The following NPC1 variants were observed in gnomAD, a reference collection of about 807,000 sequenced individuals.
NPC1 encodes Niemann-Pick C1 protein.
Under a neutral mutation model 140.4 loss-of-function variants are expected in NPC1, and 85 were observed. That is an observed-to-expected ratio of 0.61 (90% CI 0.51 to 0.72). The LOEUF (loss-of-function observed/expected upper bound fraction) is 0.72. Ranked by LOEUF, NPC1 falls within the 30% of genes least tolerant of loss-of-function variation. The probability of loss-of-function intolerance (pLI) is 0.00; values close to 1 mark genes in which losing one functional copy is unlikely to be tolerated. For missense variants in NPC1, 1,504 were observed against 1,623.8 expected (o/e 0.93, Z 1.27); for synonymous variants, 656 against 624.8 (o/e 1.05, Z -0.74).
Position 23,531,950 on chromosome 18 carries a change from AAGAATG to A in NPC1, c.*246_*251del. On this transcript the variant is annotated 3_prime_UTR_variant, in exon 25 of 25. Transcript: ENST00000269228. ...ATCTAGTGTCACCTCCTGCTTGCCA[AAGAATG>A]AGGTTTCTTTCCTGAAGAGGCTGGG... 6.9e-7 allele frequency: 1 copy of A among 1,445,316 alleles called. No homozygotes were observed. The highest frequency in any genetic ancestry group is 9.0e-7 in the Non-Finnish European group (1 of 1,106,906). The allele number at this position is 1,445,316 out of a possible 1,614,324, so 89.5% of individuals were successfully genotyped here. A position where few individuals can be genotyped will look rare whatever the true frequency, so the allele number is the denominator to read the frequency against.
chr18:23,548,147 A>G, intron 10 of NPC1, 39 bp from the exon 11 acceptor site: 1 of 1,233,290 alleles, frequency 8.1e-7, no homozygotes, highest in Non-Finnish European at 1.2e-6. Context: ...GCAGATTACA[A>G]GCATGCAGAA....
intron 1 of NPC1, among the ~76,000 whole-genome samples, chr18:23,584,532 G>A (rs2059392561): frequency 2.6e-5 from 4 of 152,160 alleles, no homozygotes; most frequent in African/African-American, 9.7e-5. Flanking sequence ...CATCAGCCTT[G>A]GGTACTTGAG....
chr18:23,556,216 G>A (rs2058948103), intron 8 of NPC1, 27 bp downstream of exon 8: 1 of 1,606,668 alleles, frequency 6.2e-7, no homozygotes, highest in African/African-American at 1.3e-5. Flanking sequence ...CATCTAGAGT[G>A]ACTTATTTCT....
rs35922440 is a variant in NPC1 at position 23,575,769 on chromosome 18, C to CAAAA, written c.58-2199_58-2196dup. Among the ~76,000 whole-genome samples, 18 of 35,076 alleles carry CAAAA rather than the reference C, an allele frequency of 5.1e-4. 1 individual carries two copies. Among genetic ancestry groups the CAAAA allele is most frequent in the African/African-American group, 1.2e-3 (14 of 11,758 alleles). The allele number at this position is 35,076 out of a possible 152,430, so 23.0% of individuals were successfully genotyped here. On this transcript the variant is annotated intron_variant, in intron 1 of 24. Coordinates refer to ENST00000269228, the MANE Select transcript of NPC1 (RefSeq NM_000271.5). ...CTTCTAGAGACACAGCAGAGAAGAC[C>CAAAA]AAAAAAAAAAAAAAAAAAAAAAAAA...
In NPC1 at chr18:23,557,103, A is replaced by C; in HGVS notation, c.955+14T>G. 6.2e-7 allele frequency: 1 copy of C among 1,603,418 alleles called. No homozygotes were observed. The highest frequency in any genetic ancestry group is 8.5e-7 in the Non-Finnish European group (1 of 1,170,456). On this transcript the variant is annotated intron_variant, in intron 7 of 24. Transcript: ENST00000269228. ...ATCATCTGAACCCTTTTATTCATGGACAAATATGCCTACCTTTGTCACTTG... is the reference window on the plus strand; with the variant it reads ...ATCATCTGAACCCTTTTATTCATGGCCAAATATGCCTACCTTTGTCACTTG...
Position 23,531,501 on chromosome 18 carries a change from A to C in NPC1, c.*701T>G. 2.0e-6 allele frequency: 3 copies of C among 1,481,130 alleles called. No individual in the cohort carries two copies. Among genetic ancestry groups the C allele is most frequent in the Non-Finnish European group, 2.7e-6 (3 of 1,123,344 alleles). The allele number at this position is 1,481,130 out of a possible 1,614,324, so 91.7% of individuals were successfully genotyped here. On this transcript the variant is annotated 3_prime_UTR_variant, in exon 25 of 25. Coordinates refer to ENST00000269228, the MANE Select transcript of NPC1 (RefSeq NM_000271.5). ...AGCAGATAGGGTAACCCCAAAACTT[A>C]GGAAAACAATGTATTTTATTAAAGA...
At chr18:23,556,721 A>G in intron 7 of NPC1, 108 bp from the exon 8 acceptor site, 2 of 1,523,980 alleles carry the variant, frequency 1.3e-6, no homozygotes, top group Non-Finnish European at 1.8e-6. Context: ...AATCAAGCCC[A>G]CCTGGGGACA....
intron 24 of NPC1, chr18:23,533,127 A>G: frequency 1.6e-6 from 1 of 616,266 alleles, no homozygotes; most frequent in Non-Finnish European, 2.6e-6. Context: ...CAGACAGATC[A>G]GGCCTCCAGA....
downstream of NPC1, chr18:23,518,934 C>A (rs1454467220): frequency 2.5e-6 from 4 of 1,614,044 alleles, no homozygotes; most frequent in Non-Finnish European, 3.4e-6. Flanking sequence ...CATTCTCGGA[C>A]CTCCAACAGC....
chr18:23,529,226 G>T (rs1024959433), downstream of NPC1: 5 of 1,614,000 alleles, frequency 3.1e-6, no homozygotes, highest in Non-Finnish European at 4.2e-6. Flanking sequence ...TCAAGAGGCC[G>T]GTGCGGACCC....
At chr18:23,538,042 A>AC (rs1369083327) in intron 20 of NPC1, among the ~76,000 whole-genome samples, 2 of 152,154 alleles carry the variant, frequency 1.3e-5, no homozygotes, top group African/African-American at 2.4e-5. Flanking sequence ...TCCGTGGGTA[A>AC]CTGGCTGCCT....
intron 1 of NPC1, 143 bp downstream of exon 1, chr18:23,586,138 ACAGGAC>A: frequency 7.3e-6 from 6 of 818,690 alleles, no homozygotes; most frequent in Admixed American, 2.9e-5. Context: ...GGAGACAGAA[ACAGGAC>A]AAGTGAGGAA....
chr18:23,520,882 A>C (rs1372111860), downstream of NPC1, among the ~76,000 whole-genome samples: 11 of 152,024 alleles, frequency 7.2e-5, no homozygotes, highest in Non-Finnish European at 1.6e-4. Flanking sequence ...CGCCCAGCTA[A>C]TTTTTTTGTA....
intron 8 of NPC1, among the ~76,000 whole-genome samples, chr18:23,555,923 C>A (rs1347132556): frequency 6.6e-6 from 1 of 152,204 alleles, no homozygotes; most frequent in Non-Finnish European, 1.5e-5. Flanking sequence ...CCTAAGGTGA[C>A]TTCCTAATAA....
intron 1 of NPC1, among the ~76,000 whole-genome samples, chr18:23,581,395 T>C (rs61245702): frequency 2.3e-4 from 35 of 152,256 alleles, no homozygotes; most frequent in African/African-American, 7.2e-4. Context: ...TAATCTAGCC[T>C]TGAATTTCAA....
intron 23 of NPC1, chr18:23,534,102 T>C (rs1331019963): frequency 6.6e-6 from 3 of 455,896 alleles, no homozygotes; most frequent in Admixed American, 3.4e-5. Flanking sequence ...GGGTGTAGAG[T>C]TGAACCAAGA....
Position 23,573,504 on chromosome 18 carries a change from T to G in NPC1, c.128A>C (p.Glu43Ala). ...IAYGDKRYNC[E>A]YSGPPKPLPK... ...CAATGGTTTTGGTGGGCCAGAATATTCGCAATTGTACCTCTTGTCCCCATA... is the reference window on the plus strand; with the variant it reads ...CAATGGTTTTGGTGGGCCAGAATATGCGCAATTGTACCTCTTGTCCCCATA... The change falls in exon 2 of 25, where the codon GAA becomes GCA. Residue 43 changes from glutamate to alanine, a missense_variant. Coordinates refer to ENST00000269228, the MANE Select transcript of NPC1 (RefSeq NM_000271.5). The G allele has an allele frequency of 6.2e-7, 1 of 1,614,208 alleles. No homozygotes were observed. The highest frequency in any genetic ancestry group is 8.5e-7 in the Non-Finnish European group (1 of 1,180,036).
At chr18:23,583,203 C>A (rs2059377914) in intron 1 of NPC1, among the ~76,000 whole-genome samples, 1 of 151,400 alleles carries the variant, frequency 6.6e-6, no homozygotes, top group African/African-American at 2.4e-5. Flanking sequence ...AAGGAGCCTG[C>A]AATTCGGTAG....
intron 1 of NPC1, chr18:23,581,915 T>A (rs1024644373): frequency 1.3e-5 from 2 of 152,130 alleles, no homozygotes; most frequent in Admixed American, 1.3e-4. Flanking sequence ...CTTCCCCCCA[T>A]CAACTATGAA....
Sources: allele counts gnomAD v4.1 joint callset (sites outside exome capture counted in the v4.1 genomes callset), GRCh38; gene constraint gnomAD v4.1.1; transcripts MANE v1.5; gene names NCBI Gene and HGNC (gene_info 2026-07-23, HGNC 2026-07-21).